The following ARID4B variants were observed in gnomAD, a reference collection of about 807,000 sequenced individuals.
ARID4B encodes AT-rich interactive domain-containing protein 4B.
In ARID4B, 26 loss-of-function variants were observed where a neutral mutation model predicts 147.5. That is an observed-to-expected ratio of 0.18 (90% CI 0.13 to 0.24). ARID4B has a LOEUF of 0.24. Among genes scored for constraint, ARID4B ranks in the 10% least tolerant of loss-of-function variants. The pLI is 1.00. For missense variants in ARID4B, 1,179 were observed against 1,511.5 expected (o/e 0.78, Z 3.65); for synonymous variants, 512 against 507.9 (o/e 1.01, Z -0.11).
chr1:235,295,364 G>A (rs1672620293), intron 2 of ARID4B, among the ~76,000 whole-genome samples: 1 of 152,030 alleles, frequency 6.6e-6, no homozygotes, highest in South Asian at 2.1e-4. Flanking sequence ...ACAAAAATTA[G>A]CCAGGCATGG....
Position 235,219,894 on chromosome 1 carries a change from T to C in ARID4B, c.1482A>G (p.Pro494=). 3.7e-6 allele frequency: 6 copies of C among 1,601,502 alleles called. No homozygotes were observed. The highest frequency in any genetic ancestry group is 1.3e-5 in the African/African-American group (1 of 74,594). ...DQEKEVNIKK[P]EDNENLDDKD... ...TGTCATCCAGATTTTCATTGTCTTC[T>C]GGTTTTTTAATGTTAACTTCTTTTT... The change falls in exon 16 of 24, where the codon CCA becomes CCG. Residue 494 remains proline, a synonymous_variant. Coordinates refer to ENST00000264183, the MANE Select transcript of ARID4B (RefSeq NM_016374.6).
At chr1:235,182,990 C>T (rs370585047) in intron 19 of ARID4B, among the ~76,000 whole-genome samples, 197 bp from the exon 20 acceptor site, 2 of 152,018 alleles carry the variant, frequency 1.3e-5, no homozygotes, top group Non-Finnish European at 2.9e-5. Flanking sequence ...TGTTCTATTA[C>T]GATCACGGTG....
chr1:235,316,660 A>G lies in ARID4B; in HGVS notation c.6+10254T>C, dbSNP rs1467276772. 2.0e-5 allele frequency among the ~76,000 whole-genome samples: 3 copies of G among 152,034 alleles called. No homozygotes were observed. In the East Asian group the frequency reaches 5.8e-4, roughly 29 times the overall value. On this transcript the variant is annotated intron_variant, in intron 2 of 23. Transcript: ENST00000264183. ...ATGGCGAAACCTCGTCTGTACTAAA[A>G]ATACAAAAATTAGCCAGGTGTGGTG...
chr1:235,323,150 AC>A (rs1674966986), intron 2 of ARID4B, among the ~76,000 whole-genome samples: 1 of 150,698 alleles, frequency 6.6e-6, no homozygotes. Context: ...AAGCGATCCT[AC>A]CTCAGTCTCC....
intron 17 of ARID4B, among the ~76,000 whole-genome samples, chr1:235,209,620 A>G (rs1396742473): frequency 6.7e-6 from 1 of 149,468 alleles, no homozygotes; most frequent in Non-Finnish European, 1.5e-5. Context: ...CTGGAGTGCA[A>G]TGGTGTGATC....
intron 2 of ARID4B, among the ~76,000 whole-genome samples, chr1:235,276,953 T>A (rs1671355234): frequency 6.7e-6 from 1 of 149,588 alleles, no homozygotes; most frequent in South Asian, 2.1e-4. Flanking sequence ...TGAGTCGAGA[T>A]TGTGCACTGC....
intron 2 of ARID4B, among the ~76,000 whole-genome samples, chr1:235,309,172 G>C (rs1367529171): frequency 6.9e-6 from 1 of 144,002 alleles, no homozygotes; most frequent in African/African-American, 2.6e-5. Context: ...CCGTGACCCC[G>C]TCTGGGAGGT....
At chr1:235,321,795 G>A (rs577133626) in intron 2 of ARID4B, among the ~76,000 whole-genome samples, 6 of 151,936 alleles carry the variant, frequency 3.9e-5, no homozygotes, top group Middle Eastern at 3.4e-3. Context: ...CACTGTGCCC[G>A]GCCCTGAATT....
chr1:235,257,166 TG>T lies in ARID4B; in HGVS notation c.176del (p.Pro59HisfsTer2). The T allele has an allele frequency of 6.2e-7, 1 of 1,606,700 alleles. No individual in the cohort carries two copies. The highest frequency in any genetic ancestry group is 8.5e-7 in the Non-Finnish European group (1 of 1,173,388). On this transcript the variant is annotated frameshift_variant, in exon 4 of 24. Coordinates refer to ENST00000264183, the MANE Select transcript of ARID4B (RefSeq NM_016374.6). LOFTEE classifies it high-confidence loss of function. The part of the protein sequence containing the change: ...VEVQDDHIKG[P>X]LKVGAIVEVK... ...CAATGAATACATGAATTACCTTTAG[TG>T]GGCCCTTTATGTGGTCATCCTGAAC... is the stretch of plus-strand genomic sequence containing the variant.
intron 2 of ARID4B, among the ~76,000 whole-genome samples, chr1:235,310,212 T>TA (rs1424769552): frequency 6.6e-6 from 1 of 151,782 alleles, no homozygotes; most frequent in African/African-American, 2.4e-5. Flanking sequence ...GAAATTTACA[T>TA]AAAAATGTTT....
intron 2 of ARID4B, among the ~76,000 whole-genome samples, chr1:235,272,335 T>C (rs60993208): frequency 0.13 from 20,010 of 152,166 alleles, 1,533 homozygotes; most frequent in African/African-American, 0.2. Context: ...CTACTTAAGA[T>C]AGAAATAGTG....
chr1:235,219,978 G>C lies in ARID4B; in HGVS notation c.1408-10C>G, dbSNP rs1441065116. On this transcript the variant is annotated splice_polypyrimidine_tract_variant and intron_variant, in intron 15 of 23. Transcript: ENST00000264183. ...AATTCTTTTTACTTCCCTAGAAAAAGATCAGAGGAAAGAAACCAACAAAAG... is the reference window on the plus strand; with the variant it reads ...AATTCTTTTTACTTCCCTAGAAAAACATCAGAGGAAAGAAACCAACAAAAG... The C allele has an allele frequency of 6.6e-7, 1 of 1,513,318 alleles. No homozygotes were observed. The highest frequency in any genetic ancestry group is 2.3e-5 in the East Asian group (1 of 42,624). The allele number at this position is 1,513,318 out of a possible 1,614,324, so 93.7% of individuals were successfully genotyped here. A position where few individuals can be genotyped will look rare whatever the true frequency, so the allele number is the denominator to read the frequency against.
chr1:235,294,311 ATT>A (rs5781824), intron 2 of ARID4B, among the ~76,000 whole-genome samples: 3 of 114,104 alleles, frequency 2.6e-5, no homozygotes, highest in Non-Finnish European at 3.5e-5. Flanking sequence ...AACCAGCAGC[ATT>A]TTTTTTTTTT....
chr1:235,207,767 A>G (rs550787679), intron 17 of ARID4B, among the ~76,000 whole-genome samples: 1 of 152,198 alleles, frequency 6.6e-6, no homozygotes, highest in Non-Finnish European at 1.5e-5. Flanking sequence ...AATAGGATTG[A>G]GCCTACTCAT....
rs1663096282 is a variant in ARID4B, at chr1:235,168,539, C to T, written c.3925G>A (p.Val1309Ile). Residue 1309 changes from valine (V) to isoleucine (I), a missense_variant, in exon 24 of 24, where the codon GTT becomes ATT. Val to Ile is a conservative substitution (Grantham distance 29). Coordinates refer to ENST00000264183, the MANE Select transcript of ARID4B (RefSeq NM_016374.6). ...AAGTCCTGCTGTCACCTGCACTCAA[C>T]TGACATTCCATTTTGTGATGCGCTG... The part of the protein sequence containing the change: ...MSSASQNGMS[V>I]ECR 1 of 1,613,936 alleles carries T rather than the reference C, an allele frequency of 6.2e-7. No homozygotes were observed. Among genetic ancestry groups the T allele is most frequent in the African/African-American group, 1.3e-5 (1 of 74,922 alleles).
intron 23 of ARID4B, among the ~76,000 whole-genome samples, chr1:235,171,901 C>T (rs949955005): frequency 6.6e-6 from 1 of 152,150 alleles, no homozygotes; most frequent in Non-Finnish European, 1.5e-5. Context: ...CGCAGCCTCC[C>T]AAAGTGCTGG....
At chr1:235,269,038 T>G (rs141259758) in intron 2 of ARID4B, among the ~76,000 whole-genome samples, 1 of 152,182 alleles carries the variant, frequency 6.6e-6, no homozygotes, top group African/African-American at 2.4e-5. Flanking sequence ...CTTAGGGATA[T>G]ATATGTATGT....
chr1:235,198,695 G>C (rs958872509), intron 17 of ARID4B, among the ~76,000 whole-genome samples: 1 of 152,094 alleles, frequency 6.6e-6, no homozygotes, highest in Non-Finnish European at 1.5e-5. Flanking sequence ...AAGTGTGTTG[G>C]AGCAGGCAGG....
chr1:235,198,705 G>GAC (rs372282018), intron 17 of ARID4B, among the ~76,000 whole-genome samples: 1 of 152,110 alleles, frequency 6.6e-6, no homozygotes, highest in Non-Finnish European at 1.5e-5. Context: ...GAGCAGGCAG[G>GAC]ACACACACAC....
Sources: gnomAD v4.1 joint callset for allele counts (sites outside exome capture counted in the v4.1 genomes callset) on GRCh38, gnomAD v4.1.1 for gene constraint, MANE v1.5 for transcripts, NCBI Gene and HGNC (gene_info 2026-07-23, HGNC 2026-07-21) for gene names.